The following CD180 variants were observed in gnomAD, a reference collection of about 807,000 sequenced individuals.
The protein encoded by CD180 is CD180 molecule, also known as CD180 antigen.
In CD180, 11 loss-of-function variants were observed where a neutral mutation model predicts 10.7. The ratio of observed to expected loss-of-function variants is 1.03; its 90% CI spans 0.65 to 1.70. CD180 has a LOEUF of 1.70. Among genes scored for constraint, CD180 ranks in the 40% most tolerant of loss-of-function variants. CD180 has a pLI of 0.00. For synonymous variants in CD180, 286 were observed against 294.6 expected, an observed-to-expected ratio of 0.97 and a Z score of 0.30; for missense variants, 729 against 775.2, an observed-to-expected ratio of 0.94 and a Z score of 0.71.
At chr5:67,187,227 G>A (rs942319196) in intron 1 of CD180, among the ~76,000 whole-genome samples, 3 of 152,164 alleles carry the variant, frequency 2.0e-5, no homozygotes, top group Non-Finnish European at 4.4e-5. Context: ...AGGAGGAGAG[G>A]AATGCAGAGA....
chr5:67,192,472 G>T (rs1288316912), intron 1 of CD180, among the ~76,000 whole-genome samples: 1 of 152,204 alleles, frequency 6.6e-6, no homozygotes, highest in African/African-American at 2.4e-5. Flanking sequence ...TCACTGCTCT[G>T]CAGGCTCTAC....
chr5:67,186,104 C>T (rs939452170), intron 1 of CD180, 87 bp from the exon 2 acceptor site: 41 of 824,774 alleles, frequency 5.0e-5, no homozygotes, highest in African/African-American at 4.1e-4. Flanking sequence ...ACCTTCCGAG[C>T]GGCAATCGTA....
intron 1 of CD180, among the ~76,000 whole-genome samples, chr5:67,187,075 T>G (rs1436630844): frequency 6.6e-6 from 1 of 152,186 alleles, no homozygotes; most frequent in Non-Finnish European, 1.5e-5. Flanking sequence ...TCAATGATAT[T>G]AAGGAATTCT....
At chr5:67,188,426 C>T (rs1367177307) in intron 1 of CD180, among the ~76,000 whole-genome samples, 1 of 152,180 alleles carries the variant, frequency 6.6e-6, no homozygotes, top group Non-Finnish European at 1.5e-5. Flanking sequence ...AAGGACATCC[C>T]AGGACCTTGG....
chr5:67,188,800 A>G (rs182872458), intron 1 of CD180, among the ~76,000 whole-genome samples: 3 of 152,356 alleles, frequency 2.0e-5, no homozygotes, highest in East Asian at 3.9e-4. Flanking sequence ...TGACAACATT[A>G]TAACTGTCAC....
chr5:67,196,497 A>G, intron 1 of CD180, 55 bp downstream of exon 1: 1 of 1,587,210 alleles, frequency 6.3e-7, no homozygotes, highest in African/African-American at 1.3e-5. Flanking sequence ...TGCGTGCTAA[A>G]TCTCAAAATT....
At chr5:67,188,279 A>T (rs1203037691) in intron 1 of CD180, among the ~76,000 whole-genome samples, 2 of 152,216 alleles carry the variant, frequency 1.3e-5, no homozygotes, top group Non-Finnish European at 2.9e-5. Flanking sequence ...CTCACCAGAT[A>T]CCAGAGCCAG....
In CD180 at chr5:67,187,481, C is replaced by A. The variant is rs757919398; in HGVS notation, c.91-1464G>T. Among the ~76,000 whole-genome samples the A allele has an allele frequency of 2.3e-4, 35 of 152,266 alleles. 1 individual carries two copies. The highest frequency in any genetic ancestry group is 1.8e-3 in the Admixed American group (27 of 15,290). On this transcript the variant is annotated intron_variant, in intron 1 of 2. Transcript: ENST00000256447. ...ACATAAGTACAGATAACTTCCTCAT[C>A]CTGTGCCCCAGGGTAGTCATGTATT... is the stretch of plus-strand genomic sequence containing the variant.
chr5:67,183,730 G>A lies in CD180; in HGVS notation c.1113C>T (p.Asn371=). 2 of 1,614,094 alleles carry A rather than the reference G, an allele frequency of 1.2e-6. No homozygotes were observed. The highest frequency in any genetic ancestry group is 1.1e-5 in the South Asian group (1 of 91,080). ...TATGGCTTAAATCAAGTGTCTGAAG[G>A]TTTCCTAGTTTCTCCAAGCAGCCAA... The part of the protein sequence containing the change: ...LGVGCLEKLG[N]LQTLDLSHND... Residue 371 remains asparagine, a synonymous_variant, in exon 3 of 3, where the codon AAC becomes AAT. Coordinates refer to ENST00000256447, the MANE Select transcript of CD180 (RefSeq NM_005582.3).
chr5:67,195,621 A>T (rs1276734169), intron 1 of CD180, among the ~76,000 whole-genome samples: 1 of 152,126 alleles, frequency 6.6e-6, no homozygotes, highest in Non-Finnish European at 1.5e-5. Flanking sequence ...TGCTGATTCC[A>T]TCCTAATGCC....
chr5:67,185,869 G>A lies in CD180; in HGVS notation c.239C>T (p.Thr80Ile). ...TACATACCTAGTTAAATCCAAAAAG[G>A]TAAGATTCATGAGTCTGCTGAAGGT... is the stretch of plus-strand genomic sequence containing the variant. ...NRTFSRLMNL[T>I]FLDLTRCQIN... The change falls in exon 2 of 3, where the codon ACC becomes ATC. Residue 80 changes from threonine to isoleucine, a missense_variant. Coordinates refer to ENST00000256447, the MANE Select transcript of CD180 (RefSeq NM_005582.3). 1.9e-6 allele frequency: 3 copies of A among 1,598,554 alleles called. No homozygotes were observed. The highest frequency in any genetic ancestry group is 2.6e-6 in the Non-Finnish European group (3 of 1,173,642).
chr5:67,187,938 G>A (rs1037593238), intron 1 of CD180, among the ~76,000 whole-genome samples: 2 of 152,136 alleles, frequency 1.3e-5, no homozygotes, highest in African/African-American at 2.4e-5. Flanking sequence ...TTGGGTGGCC[G>A]AGGTAGGCAG....
In CD180 at chr5:67,184,542, G is replaced by A. The variant is rs1742144647; in HGVS notation, c.301C>T (p.His101Tyr). The A allele has an allele frequency of 6.2e-7, 1 of 1,605,480 alleles. No homozygotes were observed. The highest frequency in any genetic ancestry group is 2.2e-5 in the East Asian group (1 of 44,678). ...GTTAACACAAGTGTGCTTAATTGAT[G>A]ATGGCTTTGAAAAGTGTCTTCATGT... ...WIHEDTFQSH[H>Y]QLSTLVLTGN... Residue 101 changes from histidine to tyrosine, a missense_variant, in exon 3 of 3, where the codon CAT (histidine) becomes TAT (tyrosine). Coordinates refer to ENST00000256447, the MANE Select transcript of CD180 (RefSeq NM_005582.3).
rs1187680274 is a variant in CD180, at chr5:67,185,848, T to C, written c.257+3A>G. ...AGAGCACACAAATAACTCAGATACA[T>C]ACCTAGTTAAATCCAAAAAGGTAAG... On this transcript the variant is annotated splice_donor_region_variant and intron_variant, in intron 2 of 2. Coordinates refer to ENST00000256447, the MANE Select transcript of CD180 (RefSeq NM_005582.3). The C allele has an allele frequency of 6.3e-6, 10 of 1,587,764 alleles. No homozygotes were observed. In the South Asian group the frequency reaches 1.2e-4, roughly 19 times the overall value.
At chr5:67,186,200 G>C (rs1443785742) in intron 1 of CD180, 183 bp from the exon 2 acceptor site, 4 of 405,292 alleles carry the variant, frequency 9.9e-6, no homozygotes, top group South Asian at 1.3e-4. Flanking sequence ...TTTTGTAATA[G>C]CAAAATTGAC....
chr5:67,193,063 C>A (rs1182470926), intron 1 of CD180, among the ~76,000 whole-genome samples: 1 of 152,184 alleles, frequency 6.6e-6, no homozygotes, highest in African/African-American at 2.4e-5. Context: ...CTATGGAGGC[C>A]AAGTTCCTCA....
In CD180 at chr5:67,181,370, G is replaced by T. The variant is rs916513438; in HGVS notation, c.*1487C>A. On this transcript the variant is annotated 3_prime_UTR_variant, in exon 3 of 3. Coordinates refer to ENST00000256447, the MANE Select transcript of CD180 (RefSeq NM_005582.3). ...CAATGGCAGCATCTTAGAGGCAAAG[G>T]AAAGAGCAAGTGTGAAGGCCTGAAA... 6.6e-6 allele frequency: 1 copy of T among 152,194 alleles called. No individual in the cohort carries two copies. Among genetic ancestry groups the T allele is most frequent in the Admixed American group, 6.5e-5 (1 of 15,272 alleles). The allele number at this position is 152,194 out of a possible 1,614,324, so 9.4% of individuals were successfully genotyped here.
In CD180 at chr5:67,179,815, G is replaced by C. The variant is rs1490161419; in HGVS notation, c.*3042C>G. 1.3e-5 allele frequency: 2 copies of C among 152,420 alleles called. No homozygotes were observed. Among genetic ancestry groups the C allele is most frequent in the African/African-American group, 4.8e-5 (2 of 41,586 alleles). The allele number at this position is 152,420 out of a possible 1,614,324, so 9.4% of individuals were successfully genotyped here. On this transcript the variant is annotated 3_prime_UTR_variant, in exon 3 of 3. Coordinates refer to ENST00000256447, the MANE Select transcript of CD180 (RefSeq NM_005582.3). The stretch of plus-strand genomic sequence containing the variant: ...GGTTGTAGGAGTTGCAGCTCATGCA[G>C]AGAGTCCTCTGTGATGGAGGCCAGT...
intron 2 of CD180, 36 bp downstream of exon 2, chr5:67,185,810 TAAATA>T (rs1232430291): frequency 6.9e-7 from 1 of 1,450,120 alleles, no homozygotes; most frequent in South Asian, 1.4e-5. Flanking sequence ...TATTTTAACT[TAAATA>T]AAATAAAAGA....
Sources: gnomAD v4.1 joint callset for allele counts (sites outside exome capture counted in the v4.1 genomes callset) on GRCh38, gnomAD v4.1.1 for gene constraint, MANE v1.5 for transcripts, NCBI Gene and HGNC (gene_info 2026-07-23, HGNC 2026-07-21) for gene names.